Variants in CEP104 observed in about 807,000 individuals in gnomAD.
CEP104 encodes the protein centrosomal protein of 104 kDa.
In CEP104, 84 loss-of-function variants were observed where a neutral mutation model predicts 113.3. The ratio of observed to expected loss-of-function variants is 0.74; its 90% CI spans 0.62 to 0.89. The LOEUF (loss-of-function observed/expected upper bound fraction) is 0.89. CEP104 is among the 40% of genes least tolerant of loss of function. The pLI is 0.00. For synonymous variants in CEP104, 378 were observed against 421.7 expected (o/e 0.90, Z 1.27); for missense variants, 1,053 against 1,156.6 (o/e 0.91, Z 1.30).
intron 6 of CEP104, among the ~76,000 whole-genome samples, chr1:3,842,243 C>T (rs1644426900): frequency 6.6e-6 from 1 of 152,188 alleles, no homozygotes; most frequent in African/African-American, 2.4e-5. Flanking sequence ...CCACGCCCGG[C>T]TAATTTTTTG....
chr1:3,835,824 T>TA (rs1479940124), intron 10 of CEP104, among the ~76,000 whole-genome samples: 1 of 152,246 alleles, frequency 6.6e-6, no homozygotes, highest in East Asian at 1.9e-4. Context: ...TACTCACTGA[T>TA]ACATCTTAGC....
chr1:3,852,386 C>T lies in CEP104; in HGVS notation c.22G>A (p.Val8Ile). ...TCGTGTCCAGATGAGCTGACGACTA[C>T]AAATCCAATCTTGTGGGGCATTCTG... MPHKIGFVVVSSSGHEDG... is the reference protein window; with the variant it reads MPHKIGFIVVSSSGHEDG... The change falls in exon 2 of 22, where the codon GTA (valine) becomes ATA (isoleucine). Residue 8 changes from valine (V) to isoleucine (I), a missense_variant. By Grantham distance (29) the Val-to-Ile change is conservative (BLOSUM62 3). Transcript: ENST00000378230. 1 of 1,614,062 alleles carries T rather than the reference C, an allele frequency of 6.2e-7. No homozygotes were observed. Among genetic ancestry groups the T allele is most frequent in the Non-Finnish European group, 8.5e-7 (1 of 1,179,986 alleles).
At chr1:3,831,660 G>A (rs1644210801) in intron 12 of CEP104, among the ~76,000 whole-genome samples, 2 of 152,150 alleles carry the variant, frequency 1.3e-5, no homozygotes, top group African/African-American at 4.8e-5. Flanking sequence ...GGTCACCAGT[G>A]GGTTAAGATG....
Position 3,836,702 on chromosome 1 carries a change from G to A in CEP104, c.1120-10C>T. Reference sequence around the variant, plus strand: ...AGGGCAGGGACTCTGCCTGCAGTGAGTGAAGGAGAGAGGAAAGTGCTGGGG... The same window carrying A: ...AGGGCAGGGACTCTGCCTGCAGTGAATGAAGGAGAGAGGAAAGTGCTGGGG... On this transcript the variant is annotated splice_polypyrimidine_tract_variant and intron_variant, in intron 9 of 21. Transcript: ENST00000378230. 1 of 1,612,762 alleles carries A rather than the reference G, an allele frequency of 6.2e-7. No homozygotes were observed.
At chr1:3,837,643 A>C in intron 8 of CEP104, 124 bp from the exon 9 acceptor site, 1 of 805,470 alleles carries the variant, frequency 1.2e-6, no homozygotes, top group Non-Finnish European at 1.9e-6. Flanking sequence ...GGCACAATGA[A>C]AAATTTCAAA....
chr1:3,825,370 G>A (rs558768700), intron 18 of CEP104, among the ~76,000 whole-genome samples: 11 of 152,336 alleles, frequency 7.2e-5, no homozygotes, highest in Non-Finnish European at 1.5e-5. Context: ...CAGCCCTGGC[G>A]CACAGCGGAA....
rs781134558 is a variant in CEP104 at position 3,834,924 on chromosome 1, C to G, written c.1485+1G>C. 1 of 1,579,872 alleles carries G rather than the reference C, an allele frequency of 6.3e-7. No homozygotes were observed. On this transcript the variant is annotated splice_donor_variant, in intron 11 of 21. Transcript: ENST00000378230. LOFTEE classifies it high-confidence loss of function. The stretch of plus-strand genomic sequence containing the variant: ...AGCCAGCGCCAGCTGAGGGCACTCA[C>G]GGAGGTCACAATGTCCTTTATGGCT...
At chr1:3,829,725 G>A (rs754078839) in intron 14 of CEP104, 66 bp downstream of exon 14, 16 of 1,476,778 alleles carry the variant, frequency 1.1e-5, no homozygotes, top group African/African-American at 1.4e-5. Flanking sequence ...ACTTATTTAC[G>A]TACCGAGTAA....
intron 1 of CEP104, among the ~76,000 whole-genome samples, chr1:3,853,476 T>C (rs1297237359): frequency 1.3e-5 from 2 of 152,078 alleles, no homozygotes; most frequent in African/African-American, 2.4e-5. Context: ...GGATAAGATA[T>C]ACTATTAATT....
Position 3,823,172 on chromosome 1 carries a change from A to T in CEP104, c.2571+2T>A, listed in dbSNP as rs1368411881. The T allele has an allele frequency of 6.2e-7, 1 of 1,613,736 alleles. No homozygotes were observed. Among genetic ancestry groups the T allele is most frequent in the Non-Finnish European group, 8.5e-7 (1 of 1,179,902 alleles). On this transcript the variant is annotated splice_donor_variant, in intron 20 of 21. Transcript: ENST00000378230. LOFTEE classifies it high-confidence loss of function. This position sits in a 1 kb window ranked among gnomAD's most constrained non-coding sequence, Gnocchi z 4.1. ...CTGGTCCCTTCTCCCCAGGCCCCTC[A>T]CCTCTTCTCCAGGGCTGAAGTTCTC...
chr1:3,846,047 C>T (rs148364572), intron 4 of CEP104, among the ~76,000 whole-genome samples: 1 of 146,644 alleles, frequency 6.8e-6, no homozygotes. Flanking sequence ...CCACTGCACT[C>T]CAGCCTAGGC....
intron 12 of CEP104, among the ~76,000 whole-genome samples, chr1:3,832,979 C>T (rs996380532): frequency 1.4e-5 from 2 of 139,304 alleles, no homozygotes; most frequent in African/African-American, 5.6e-5. Flanking sequence ...CCCCGCCTGG[C>T]CTGGATTCTT....
chr1:3,826,968 G>A (rs1355983917), intron 15 of CEP104, among the ~76,000 whole-genome samples: 1 of 151,302 alleles, frequency 6.6e-6, no homozygotes, highest in Non-Finnish European at 1.5e-5. Flanking sequence ...GGGCAACATG[G>A]CAAACAAAAC....
Position 3,823,680 on chromosome 1 carries a change from G to T in CEP104, c.2365-118C>A. On this transcript the variant is annotated intron_variant, in intron 18 of 21. Transcript: ENST00000378230. This position sits in a 1 kb window ranked among gnomAD's most constrained non-coding sequence, Gnocchi z 4.1. ...AGGGAGGTCTGTGCCGCCTGCACAT[G>T]AAGTAAGCCACAGGCTTCTATCTTC... 2 of 1,205,918 alleles carry T rather than the reference G, an allele frequency of 1.7e-6. No individual in the cohort carries two copies. The highest frequency in any genetic ancestry group is 2.4e-6 in the Non-Finnish European group (2 of 843,768). 74.7% of individuals were successfully genotyped at this position (1,205,918 alleles called of 1,614,324 possible).
chr1:3,818,034 C>A (rs1250272665), intron 20 of CEP104, among the ~76,000 whole-genome samples: 1 of 152,226 alleles, frequency 6.6e-6, no homozygotes, highest in Non-Finnish European at 1.5e-5. Flanking sequence ...GCCTGGCCGC[C>A]CTATGGCCAA....
intron 20 of CEP104, among the ~76,000 whole-genome samples, chr1:3,820,362 C>T (rs1643946812): frequency 1.3e-5 from 2 of 152,324 alleles, no homozygotes; most frequent in East Asian, 1.9e-4. Flanking sequence ...CAAAGGCTCC[C>T]ACATTCTGGA....
chr1:3,834,860 T>A (rs967792248), intron 11 of CEP104, 65 bp downstream of exon 11: 2 of 1,458,226 alleles, frequency 1.4e-6, no homozygotes, highest in African/African-American at 2.8e-5. Context: ...TGCTCTGGTC[T>A]TCTGTGGTAC....
chr1:3,829,485 A>C (rs1313987513), intron 14 of CEP104, 112 bp from the exon 15 acceptor site: 1 of 755,148 alleles, frequency 1.3e-6, no homozygotes, highest in Non-Finnish European at 2.1e-6. Flanking sequence ...ATATTCACTA[A>C]GACTAATAAC....
chr1:3,825,547 G>A (rs1644073263), intron 18 of CEP104, among the ~76,000 whole-genome samples: 1 of 152,232 alleles, frequency 6.6e-6, no homozygotes, highest in Non-Finnish European at 1.5e-5. Context: ...CCCGAGGGGA[G>A]GTGGCGGCAC....
Sources: gnomAD v4.1 joint callset for allele counts (sites outside exome capture counted in the v4.1 genomes callset) on GRCh38, gnomAD v4.1.1 for gene constraint, Gnocchi (gnomAD v3.1) non-coding constraint, MANE v1.5 for transcripts, NCBI Gene and HGNC (gene_info 2026-07-23, HGNC 2026-07-21) for gene names.